Variants in ALPK2 observed in about 807,000 individuals in gnomAD.
ALPK2 encodes the protein alpha-protein kinase 2.
ALPK2 carries 127 observed loss-of-function variants against 163.1 expected under a neutral mutation model. The ratio of observed to expected loss-of-function variants is 0.78; its 90% CI spans 0.67 to 0.90. The LOEUF is 0.90. ALPK2 is among the 40% of genes least tolerant of loss of function. The pLI, the probability that ALPK2 is intolerant of heterozygous loss-of-function variation, is 0.00. For synonymous variants in ALPK2, 953 were observed against 959.1 expected, an observed-to-expected ratio of 0.99 and a Z score of 0.12; for missense variants, 2,360 against 2,589.6, an observed-to-expected ratio of 0.91 and a Z score of 1.92.
rs576053480 is a variant in ALPK2 at position 58,601,682 on chromosome 18, C to T, written c.227+5640G>A. On this transcript the variant is annotated intron_variant, in intron 3 of 12. Coordinates refer to ENST00000361673, the MANE Select transcript of ALPK2 (RefSeq NM_052947.4). ...GCTAGCCAACAGCAATATCCACTGC[C>T]GGGCCTGTCAGGGAAACCACACTGG... Among the ~76,000 whole-genome samples, 3 of 152,230 alleles carry T rather than the reference C, an allele frequency of 2.0e-5. No homozygotes were observed. In the South Asian group the frequency reaches 6.2e-4, roughly 32 times the overall value.
At chr18:58,490,723 G>A (rs749407071) in intron 12 of ALPK2, among the ~76,000 whole-genome samples, 5 of 152,116 alleles carry the variant, frequency 3.3e-5, no homozygotes, top group East Asian at 3.9e-4. Flanking sequence ...TGGTCTCTGC[G>A]TCTGCTGGCA....
chr18:58,570,366 T>C (rs929457536), intron 4 of ALPK2, among the ~76,000 whole-genome samples: 2 of 152,260 alleles, frequency 1.3e-5, no homozygotes, highest in African/African-American at 4.8e-5. Flanking sequence ...ACTAGAGCCC[T>C]GTGATGTGCC....
intron 4 of ALPK2, among the ~76,000 whole-genome samples, chr18:58,568,136 C>G (rs895770800): frequency 6.6e-6 from 1 of 152,154 alleles, no homozygotes; most frequent in African/African-American, 2.4e-5. Context: ...CCTAAGTGAC[C>G]TCTTGGGGAT....
rs764272446 is a variant in ALPK2, at chr18:58,536,553, G to A, written c.3634C>T (p.Pro1212Ser). The change falls in exon 5 of 13, where the codon CCA becomes TCA. Residue 1212 changes from proline to serine, a missense_variant. Pro to Ser is a moderately conservative substitution (Grantham distance 74, BLOSUM62 -1). Coordinates refer to ENST00000361673, the MANE Select transcript of ALPK2 (RefSeq NM_052947.4). ...EEDSQALSNV[P>S]SLSDILLEES... Reference sequence around the variant, plus strand: ...TCCAAAAGGATATCAGAGAGAGATGGAACGTTGCTCAGAGCCTGACTGTCT... The same window carrying A: ...TCCAAAAGGATATCAGAGAGAGATGAAACGTTGCTCAGAGCCTGACTGTCT... 6.2e-7 allele frequency: 1 copy of A among 1,613,938 alleles called. No homozygotes were observed. Among genetic ancestry groups the A allele is most frequent in the Non-Finnish European group, 8.5e-7 (1 of 1,180,022 alleles).
chr18:58,561,652 C>T (rs148753117), intron 4 of ALPK2, among the ~76,000 whole-genome samples: 3 of 152,286 alleles, frequency 2.0e-5, no homozygotes, highest in East Asian at 3.9e-4. Context: ...ACTGGGGATC[C>T]TCTAAAGAAT....
At chr18:58,514,624 T>C (rs765030336) in intron 10 of ALPK2, among the ~76,000 whole-genome samples, 2 of 152,178 alleles carry the variant, frequency 1.3e-5, no homozygotes, top group Non-Finnish European at 2.9e-5. Context: ...CCTTGTGATA[T>C]CTCTTGTTCT....
chr18:58,625,203 C>T (rs906176974), intron 1 of ALPK2, among the ~76,000 whole-genome samples: 38 of 150,632 alleles, frequency 2.5e-4, no homozygotes, highest in Admixed American at 1.3e-4. Flanking sequence ...AAAAAAAGCC[C>T]CCTAAAAACT....
At chr18:58,533,752 A>G (rs1568076706) in intron 5 of ALPK2, among the ~76,000 whole-genome samples, 6 of 152,138 alleles carry the variant, frequency 3.9e-5, no homozygotes, top group Admixed American at 2.0e-4. Context: ...CACAATGCCG[A>G]GCCATTCTCT....
At chr18:58,489,659 C>T (rs2051361919) in intron 12 of ALPK2, among the ~76,000 whole-genome samples, 1 of 151,834 alleles carries the variant, frequency 6.6e-6, no homozygotes, top group Admixed American at 6.6e-5. Flanking sequence ...TACATTCCAG[C>T]CTGGACAACA....
intron 4 of ALPK2, among the ~76,000 whole-genome samples, chr18:58,564,842 A>T (rs12954504): frequency 6.6e-6 from 1 of 152,094 alleles, no homozygotes; most frequent in African/African-American, 2.4e-5. Context: ...TTTTTAAAAA[A>T]AATTTTTTTA....
At chr18:58,482,610 C>G (rs1413403200) in intron 12 of ALPK2, among the ~76,000 whole-genome samples, 1 of 152,208 alleles carries the variant, frequency 6.6e-6, no homozygotes, top group Non-Finnish European at 1.5e-5. Context: ...GCTCACTCCC[C>G]TGGCAGCCCG....
chr18:58,614,234 G>T, intron 1 of ALPK2, among the ~76,000 whole-genome samples: 1 of 152,182 alleles, frequency 6.6e-6, no homozygotes, highest in Non-Finnish European at 1.5e-5. Context: ...TGGGAGAGAG[G>T]TTTGAGAGAC....
chr18:58,609,069 T>G (rs1166776232), intron 2 of ALPK2, among the ~76,000 whole-genome samples: 1 of 152,058 alleles, frequency 6.6e-6, no homozygotes, highest in Non-Finnish European at 1.5e-5. Flanking sequence ...ACCTGCACCA[T>G]GAGCAGGACC....
intron 4 of ALPK2, among the ~76,000 whole-genome samples, chr18:58,576,777 G>A (rs1280845915): frequency 6.6e-6 from 1 of 152,206 alleles, no homozygotes; most frequent in African/African-American, 2.4e-5. Context: ...AAACACCACA[G>A]ATAGAAAGAT....
intron 3 of ALPK2, among the ~76,000 whole-genome samples, chr18:58,585,070 C>T (rs775239106): frequency 1.3e-5 from 2 of 152,186 alleles, no homozygotes; most frequent in Non-Finnish European, 2.9e-5. Flanking sequence ...ATAAATTAAT[C>T]ATTTCCTTAT....
At chr18:58,522,090 A>G (rs1416407584) in intron 8 of ALPK2, among the ~76,000 whole-genome samples, 1 of 152,204 alleles carries the variant, frequency 6.6e-6, no homozygotes, top group African/African-American at 2.4e-5. Flanking sequence ...TGCTAGTTCA[A>G]TTAACTGTCA....
chr18:58,546,898 G>A (rs946728054), intron 4 of ALPK2, among the ~76,000 whole-genome samples: 15 of 152,058 alleles, frequency 9.9e-5, no homozygotes, highest in African/African-American at 3.4e-4. Context: ...ATTCCACTAG[G>A]CATTTCTGAA....
intron 4 of ALPK2, among the ~76,000 whole-genome samples, chr18:58,564,120 G>GTTATTTTTTTTTT (rs1555672429): frequency 2.3e-5 from 1 of 42,858 alleles, no homozygotes; most frequent in African/African-American, 1.3e-4. Context: ...TGATGTCTTT[G>GTTATTTTTTTTTT]TTCTTTTTTT....
intron 1 of ALPK2, among the ~76,000 whole-genome samples, chr18:58,617,507 T>C (rs2052176190): frequency 6.6e-6 from 1 of 152,102 alleles, no homozygotes; most frequent in South Asian, 2.1e-4. Context: ...TTTTTAAAAA[T>C]TTTATTTACC....
Sources: allele counts gnomAD v4.1 joint callset (sites outside exome capture counted in the v4.1 genomes callset), GRCh38; gene constraint gnomAD v4.1.1; transcripts MANE v1.5; gene names NCBI Gene and HGNC (gene_info 2026-07-23, HGNC 2026-07-21).